The following CYP2C18 variants were observed in gnomAD, a reference collection of about 807,000 sequenced individuals.
CYP2C18 encodes the protein cytochrome P450 2C18.
A neutral mutation model predicts 41.3 loss-of-function variants in CYP2C18; 38 were observed. That is an observed-to-expected ratio of 0.92 (90% confidence interval 0.71 to 1.21). CYP2C18 has a LOEUF of 1.21. Among genes scored for constraint, CYP2C18 ranks in the 50% most tolerant of loss-of-function variants. The probability of loss-of-function intolerance (pLI) is 0.00; values close to 1 mark genes in which losing one functional copy is unlikely to be tolerated. For synonymous variants in CYP2C18, 236 were observed against 210.0 expected (o/e 1.12, Z -1.07); for missense variants, 635 against 591.4 (o/e 1.07, Z -0.77).
chr10:94,705,687 G>T (rs1032586137), intron 4 of CYP2C18, among the ~76,000 whole-genome samples: 1 of 152,046 alleles, frequency 6.6e-6, no homozygotes, highest in Admixed American at 6.6e-5. Context: ...TGGGCCCATG[G>T]AACTGTCTAT....
intron 3 of CYP2C18, among the ~76,000 whole-genome samples, chr10:94,694,164 A>G (rs1847069509): frequency 6.6e-6 from 1 of 152,180 alleles, no homozygotes; most frequent in African/African-American, 2.4e-5. Context: ...GTGATAATAG[A>G]CACCATTTCT....
chr10:94,724,474 A>C lies in CYP2C18; in HGVS notation c.1090A>C (p.Thr364Pro), dbSNP rs751809542. 8 of 1,613,574 alleles carry C rather than the reference A, an allele frequency of 5.0e-6. No homozygotes were observed. Among genetic ancestry groups the C allele is most frequent in the Non-Finnish European group, 6.8e-6 (8 of 1,179,732 alleles). Reference sequence around the variant, plus strand: ...CCAGAGATACATTGACCTCCTCCCCACCAACCTGCCCCATGCAGTGACCTG... The same window carrying C: ...CCAGAGATACATTGACCTCCTCCCCCCCAACCTGCCCCATGCAGTGACCTG... ...EIQRYIDLLP[T>P]NLPHAVTCDV... Residue 364 changes from threonine to proline, a missense_variant, in exon 7 of 9, where the codon ACC (threonine) becomes CCC (proline). Coordinates refer to ENST00000285979, the MANE Select transcript of CYP2C18 (RefSeq NM_000772.3).
At chr10:94,717,485 T>C (rs547405018) in intron 5 of CYP2C18, among the ~76,000 whole-genome samples, 2 of 152,310 alleles carry the variant, frequency 1.3e-5, no homozygotes, top group East Asian at 1.9e-4. Context: ...AAAATTCTTT[T>C]CTTTAAGAAT....
rs1162163534 is a variant in CYP2C18 at position 94,724,410 on chromosome 10, G to C, written c.1026G>C (p.Arg342Ser). The change falls in exon 7 of 9, where the codon AGG (arginine) becomes AGC (serine). Residue 342 changes from arginine to serine, a missense_variant. Coordinates refer to ENST00000285979, the MANE Select transcript of CYP2C18 (RefSeq NM_000772.3). Reference sequence around the variant, plus strand: ...ACCGGAGCCCCTGTATGCAGGACAGGAGTCACATGCCCTACACAGATGCTG... The same window carrying C: ...ACCGGAGCCCCTGTATGCAGGACAGCAGTCACATGCCCTACACAGATGCTG... ...GRNRSPCMQD[R>S]SHMPYTDAVV... is the part of the protein sequence containing the mutation. 1.2e-6 allele frequency: 2 copies of C among 1,613,566 alleles called. No individual in the cohort carries two copies. Among genetic ancestry groups the C allele is most frequent in the Admixed American group, 3.3e-5 (2 of 59,956 alleles).
intron 7 of CYP2C18, among the ~76,000 whole-genome samples, chr10:94,724,996 T>C (rs529728190): frequency 6.6e-6 from 1 of 151,304 alleles, no homozygotes; most frequent in African/African-American, 2.4e-5. Context: ...TTGTCTTCAG[T>C]TCAGTGGCTT....
rs768994157 is a variant in CYP2C18, at chr10:94,733,389, T to C, written c.1242T>C (p.Asp414=). The C allele has an allele frequency of 6.2e-7, 1 of 1,613,438 alleles. No homozygotes were observed. Among genetic ancestry groups the C allele is most frequent in the Non-Finnish European group, 8.5e-7 (1 of 1,179,552 alleles). Residue 414 remains aspartate (D), a synonymous_variant, in exon 8 of 9, where the codon GAT becomes GAC. Transcript: ENST00000285979. ...TGTTTGACCCTGGCCACTTTCTGGA[T>C]AAGAGTGGCAACTTTAAGAAAAGTG... is the stretch of plus-strand genomic sequence containing the variant. The part of the protein sequence containing the change: ...PEMFDPGHFL[D]KSGNFKKSDY...
At chr10:94,698,004 A>G (rs1201406378) in intron 4 of CYP2C18, among the ~76,000 whole-genome samples, 1 of 152,176 alleles carries the variant, frequency 6.6e-6, no homozygotes, top group Non-Finnish European at 1.5e-5. Flanking sequence ...ACCTACGAAG[A>G]GACTTAGACT....
In CYP2C18 at chr10:94,722,882, C is replaced by T. The variant is rs78576142; in HGVS notation, c.962-1464C>T. Reference sequence around the variant, plus strand: ...AAATACAGCAGCCAGGTGTAAACTCCAGAGGACAAGTAGCACCAGTGGAAA... The same window carrying T: ...AAATACAGCAGCCAGGTGTAAACTCTAGAGGACAAGTAGCACCAGTGGAAA... On this transcript the variant is annotated intron_variant, in intron 6 of 8. Transcript: ENST00000285979. Among the ~76,000 whole-genome samples, 1,279 of 152,194 alleles carry T rather than the reference C, an allele frequency of 8.4e-3. 22 individuals are homozygous for T. Among genetic ancestry groups the T allele is most frequent in the East Asian group, 0.061 (313 of 5,160 alleles).
At chr10:94,700,029 T>A (rs1046631097) in intron 4 of CYP2C18, among the ~76,000 whole-genome samples, 2 of 152,178 alleles carry the variant, frequency 1.3e-5, no homozygotes, top group African/African-American at 2.4e-5. Flanking sequence ...GAAGAATCAA[T>A]ATCATGAAGA....
chr10:94,693,738 G>T (rs1488207589), intron 3 of CYP2C18, among the ~76,000 whole-genome samples: 1 of 152,128 alleles, frequency 6.6e-6, no homozygotes, highest in Non-Finnish European at 1.5e-5. Context: ...ACTAAACAGG[G>T]TCCCATTATT....
Position 94,720,492 on chromosome 10 carries a change from CTG to C in CYP2C18, c.917_918del (p.Leu306GlnfsTer16). ...GAGTETTSTT[L>X]RYGLLLLLKY... ...TGGAACAGAGACAACGAGCACCACTCTGAGATATGGACTCCTGCTCCTGCTGA... is the reference window on the plus strand; with the variant it reads ...TGGAACAGAGACAACGAGCACCACTCAGATATGGACTCCTGCTCCTGCTGA... On this transcript the variant is annotated frameshift_variant, in exon 6 of 9. Transcript: ENST00000285979. LOFTEE classifies it high-confidence loss of function. 6.2e-7 allele frequency: 1 copy of C among 1,613,450 alleles called. No homozygotes were observed. The highest frequency in any genetic ancestry group is 1.1e-5 in the South Asian group (1 of 91,048).
chr10:94,693,230 A>AT (rs998453318), intron 3 of CYP2C18, among the ~76,000 whole-genome samples: 1 of 151,992 alleles, frequency 6.6e-6, no homozygotes, highest in Non-Finnish European at 1.5e-5. Context: ...ATGGGGGTGG[A>AT]TTTTTCATGA....
intron 3 of CYP2C18, 124 bp from the exon 4 acceptor site, chr10:94,694,793 T>A: frequency 9.4e-7 from 1 of 1,060,674 alleles, no homozygotes; most frequent in Non-Finnish European, 1.3e-6. Context: ...GTAGTTTGTG[T>A]TGATAAGAGA....
chr10:94,722,762 A>G (rs1476552369), intron 6 of CYP2C18, among the ~76,000 whole-genome samples: 1 of 152,176 alleles, frequency 6.6e-6, no homozygotes, highest in Admixed American at 6.6e-5. Flanking sequence ...AGGCTCACTC[A>G]TGGACAACAG....
In CYP2C18 at chr10:94,720,528, G is replaced by A. The variant is rs914537527; in HGVS notation, c.952G>A (p.Glu318Lys). 1 of 1,612,908 alleles carries A rather than the reference G, an allele frequency of 6.2e-7. No homozygotes were observed. Among genetic ancestry groups the A allele is most frequent in the African/African-American group, 1.3e-5 (1 of 74,854 alleles). The change falls in exon 6 of 9, where the codon GAG becomes AAG. Residue 318 changes from glutamate to lysine, a missense_variant. Physicochemically the swap from Glu to Lys is moderately conservative, Grantham distance 56. Coordinates refer to ENST00000285979, the MANE Select transcript of CYP2C18 (RefSeq NM_000772.3). ...ACTCCTGCTCCTGCTGAAGTACCCA[G>A]AGGTCACAGGTATGATGATACCATA... ...YGLLLLLKYP[E>K]VTAKVQEEIE...
chr10:94,686,773 G>A (rs554228909), intron 1 of CYP2C18, among the ~76,000 whole-genome samples: 6 of 152,270 alleles, frequency 3.9e-5, no homozygotes, highest in Non-Finnish European at 7.4e-5. Flanking sequence ...TGCCAGAAGA[G>A]AAACATTTCA....
At chr10:94,713,580 C>T (rs1589801562) in intron 5 of CYP2C18, among the ~76,000 whole-genome samples, 2 of 152,082 alleles carry the variant, frequency 1.3e-5, no homozygotes, top group Non-Finnish European at 1.5e-5. Flanking sequence ...CAGTCTATCA[C>T]TGATGGACAT....
At chr10:94,706,072 A>T (rs1043716536) in intron 4 of CYP2C18, among the ~76,000 whole-genome samples, 2 of 152,186 alleles carry the variant, frequency 1.3e-5, no homozygotes, top group African/African-American at 4.8e-5. Flanking sequence ...GCTACCAGGA[A>T]GTTCTGAATA....
Position 94,694,990 on chromosome 10 carries a change from T to G in CYP2C18, c.555T>G (p.Asp185Glu). The change falls in exon 4 of 9, where the codon GAT (aspartate) becomes GAG (glutamate). Residue 185 changes from aspartate to glutamate, a missense_variant. Asp to Glu is a conservative substitution (Grantham distance 45, BLOSUM62 2). Coordinates refer to ENST00000285979, the MANE Select transcript of CYP2C18 (RefSeq NM_000772.3). ...TGATCTGCTCTGTTATTTTCCATGA[T>G]CGATTTGATTATAAAGATCAGAGGT... ...CNVICSVIFH[D>E]RFDYKDQRFL... 2 of 1,613,338 alleles carry G rather than the reference T, an allele frequency of 1.2e-6. No individual in the cohort carries two copies. The highest frequency in any genetic ancestry group is 2.2e-5 in the South Asian group (2 of 90,978).
Sources: gnomAD v4.1 joint callset for allele counts (sites outside exome capture counted in the v4.1 genomes callset) on GRCh38, gnomAD v4.1.1 for gene constraint, MANE v1.5 for transcripts, NCBI Gene and HGNC (gene_info 2026-07-23, HGNC 2026-07-21) for gene names.